PLCE1: variants seen among roughly 807,000 people sequenced by gnomAD.
The protein encoded by PLCE1 is phospholipase C epsilon 1.
PLCE1 carries 119 observed loss-of-function variants against 242.8 expected under a neutral mutation model. The ratio of observed to expected loss-of-function variants is 0.49; its 90% CI spans 0.42 to 0.57. The LOEUF (loss-of-function observed/expected upper bound fraction) is 0.57, where lower values mean the gene tolerates loss of function less well. Ranked by LOEUF, PLCE1 falls within the 20% of genes least tolerant of loss-of-function variation. PLCE1 has a pLI of 0.00. For synonymous variants in PLCE1, 945 were observed against 1,017.4 expected (o/e 0.93, Z 1.35); for missense variants, 2,441 against 2,788.8 (o/e 0.88, Z 2.81).
chr10:94,092,496 A>C (rs535875665), intron 2 of PLCE1, among the ~76,000 whole-genome samples: 66 of 152,350 alleles, frequency 4.3e-4, no homozygotes, highest in Middle Eastern at 3.4e-3. Flanking sequence ...AGGAAGGGAC[A>C]TCTTTGAAAA....
At chr10:94,007,690 G>A (rs1589845132) in intron 1 of PLCE1, among the ~76,000 whole-genome samples, 2 of 122,416 alleles carry the variant, frequency 1.6e-5, no homozygotes, top group South Asian at 5.4e-4. Flanking sequence ...CCCCATCAAA[G>A]CCTACTTTCT....
At chr10:94,028,671 G>A (rs927723895) in intron 1 of PLCE1, among the ~76,000 whole-genome samples, 7 of 152,200 alleles carry the variant, frequency 4.6e-5, no homozygotes, top group East Asian at 1.9e-4. Flanking sequence ...CAAAGTGGCC[G>A]GGCACAGTGG....
chr10:94,190,957 GA>G (rs2048644013), intron 4 of PLCE1, among the ~76,000 whole-genome samples: 1 of 152,132 alleles, frequency 6.6e-6, no homozygotes, highest in East Asian at 1.9e-4. Context: ...AGGCTTCAAG[GA>G]TCAAGCTTTG....
At chr10:94,099,109 A>G (rs1278069693) in intron 2 of PLCE1, among the ~76,000 whole-genome samples, 1 of 152,208 alleles carries the variant, frequency 6.6e-6, no homozygotes, top group Non-Finnish European at 1.5e-5. Context: ...AAGTCAAGTA[A>G]AGCTACACTT....
At chr10:94,248,135 A>G (rs2050750597) in intron 8 of PLCE1, among the ~76,000 whole-genome samples, 1 of 152,192 alleles carries the variant, frequency 6.6e-6, no homozygotes, top group Non-Finnish European at 1.5e-5. Context: ...GACAAGGCAC[A>G]TGTAATGCCC....
At chr10:94,309,204 A>G (rs537950136) in intron 27 of PLCE1, among the ~76,000 whole-genome samples, 61 of 152,376 alleles carry the variant, frequency 4.0e-4, no homozygotes, top group Non-Finnish European at 5.9e-5. Flanking sequence ...GGAGTGAGCA[A>G]TAGGCTCTGC....
chr10:94,145,784 C>A (rs1410291082), intron 3 of PLCE1, among the ~76,000 whole-genome samples: 6 of 152,028 alleles, frequency 3.9e-5, no homozygotes, highest in Non-Finnish European at 7.4e-5. Flanking sequence ...TTCACACAAG[C>A]TTTGGGGCAC....
chr10:94,169,848 C>A (rs2047918313), intron 3 of PLCE1, among the ~76,000 whole-genome samples: 1 of 152,120 alleles, frequency 6.6e-6, no homozygotes, highest in Non-Finnish European at 1.5e-5. Context: ...TTGGGACATG[C>A]CTGTGATGGA....
intron 24 of PLCE1, among the ~76,000 whole-genome samples, chr10:94,304,005 G>T (rs1214684665): frequency 6.6e-6 from 1 of 151,888 alleles, no homozygotes; most frequent in Non-Finnish European, 1.5e-5. Flanking sequence ...TAGGCTCCCA[G>T]GGGAAAAAAA....
At chr10:94,040,683 C>T (rs2061749185) in intron 2 of PLCE1, among the ~76,000 whole-genome samples, 2 of 152,150 alleles carry the variant, frequency 1.3e-5, no homozygotes, top group Non-Finnish European at 2.9e-5. Context: ...AGCCTTGGTA[C>T]AAGGGCCTAA....
At chr10:94,071,154 C>T (rs1307424402) in intron 2 of PLCE1, among the ~76,000 whole-genome samples, 1 of 152,102 alleles carries the variant, frequency 6.6e-6, no homozygotes, top group African/African-American at 2.4e-5. Context: ...ACCCCTATTC[C>T]ACCAAGACGT....
chr10:94,001,445 A>G (rs775594188), intron 1 of PLCE1, among the ~76,000 whole-genome samples: 18 of 152,244 alleles, frequency 1.2e-4, no homozygotes, highest in African/African-American at 2.4e-5. Flanking sequence ...TTATAGGAAT[A>G]GCCACATAAT....
chr10:94,287,683 G>A (rs752334303), intron 22 of PLCE1, among the ~76,000 whole-genome samples: 6 of 151,662 alleles, frequency 4.0e-5, no homozygotes, highest in African/African-American at 7.3e-5. Flanking sequence ...TTTATTTCTC[G>A]GTTGCATTTA....
At chr10:94,169,696 T>G (rs1258635346) in intron 3 of PLCE1, among the ~76,000 whole-genome samples, 8 of 152,178 alleles carry the variant, frequency 5.3e-5, no homozygotes, top group Non-Finnish European at 7.3e-5. Flanking sequence ...GTGTCAACTT[T>G]GAGTCACCCT....
At chr10:94,026,771 C>T (rs924771957) in intron 1 of PLCE1, among the ~76,000 whole-genome samples, 1 of 152,072 alleles carries the variant, frequency 6.6e-6, no homozygotes, top group Non-Finnish European at 1.5e-5. Flanking sequence ...GAGTTGATCC[C>T]AGATATAGAA....
intron 2 of PLCE1, among the ~76,000 whole-genome samples, chr10:94,076,393 C>G (rs1295207129): frequency 6.6e-6 from 1 of 152,096 alleles, no homozygotes; most frequent in African/African-American, 2.4e-5. Context: ...ACATTACTGT[C>G]AGGTGATTTC....
Position 94,269,009 on chromosome 10 carries a change from T to C in PLCE1, c.4362T>C (p.His1454=). Residue 1454 remains histidine (H), a synonymous_variant, in exon 17 of 33, where the codon CAT becomes CAC. Coordinates refer to ENST00000371380, the MANE Select transcript of PLCE1 (RefSeq NM_016341.4). ...GGATGCCCATCATTTATCATGGACA[T>C]ACGCTGACAACCAAGATCCCCTTCA... is the stretch of plus-strand genomic sequence containing the variant. The part of the protein sequence containing the change: ...DDGMPIIYHG[H]TLTTKIPFKE... The C allele has an allele frequency of 1.9e-6, 3 of 1,599,022 alleles. No homozygotes were observed. Among genetic ancestry groups the C allele is most frequent in the Non-Finnish European group, 2.6e-6 (3 of 1,168,522 alleles).
At chr10:94,167,695 G>A (rs1419525648) in intron 3 of PLCE1, among the ~76,000 whole-genome samples, 1 of 127,290 alleles carries the variant, frequency 7.9e-6, no homozygotes, top group Admixed American at 9.5e-5. Context: ...ACAGTCCCCG[G>A]TGTGTTCTCA....
At chr10:94,310,317 C>T (rs1324800128) in intron 27 of PLCE1, among the ~76,000 whole-genome samples, 3 of 152,166 alleles carry the variant, frequency 2.0e-5, no homozygotes, top group African/African-American at 7.2e-5. Context: ...CTGTCCCTGC[C>T]CTTGTTTGCT....
Sources: gnomAD v4.1 joint callset for allele counts (sites outside exome capture counted in the v4.1 genomes callset) on GRCh38, gnomAD v4.1.1 for gene constraint, MANE v1.5 for transcripts, NCBI Gene and HGNC (gene_info 2026-07-23, HGNC 2026-07-21) for gene names.